EDIL3: variants seen among roughly 807,000 people sequenced by gnomAD.
The protein encoded by EDIL3 is EGF like and discoidin domains 3, also known as EGF-like repeat and discoidin I-like domain-containing protein 3.
Under a neutral mutation model 67.4 loss-of-function variants are expected in EDIL3, and 37 were observed. The ratio of observed to expected loss-of-function variants is 0.55; its 90% CI spans 0.42 to 0.72. The LOEUF is 0.72. Among genes scored for constraint, EDIL3 ranks in the 30% least tolerant of loss-of-function variants. The pLI is 0.00. For synonymous variants in EDIL3, 195 were observed against 196.3 expected, an observed-to-expected ratio of 0.99 and a Z score of 0.05; for missense variants, 527 against 586.3, an observed-to-expected ratio of 0.90 and a Z score of 1.04.
chr5:84,256,954 C>G (rs970284569), intron 1 of EDIL3, among the ~76,000 whole-genome samples: 1 of 152,188 alleles, frequency 6.6e-6, no homozygotes, highest in Non-Finnish European at 1.5e-5. Context: ...TCCCCCAAAT[C>G]AAGACCCACC....
intron 1 of EDIL3, among the ~76,000 whole-genome samples, chr5:84,279,975 A>G (rs1293071703): frequency 6.6e-6 from 1 of 152,246 alleles, no homozygotes; most frequent in East Asian, 1.9e-4. Context: ...TCCAGTTTTC[A>G]CAGAAGACTG....
chr5:84,184,690 G>A (rs1260493298), intron 3 of EDIL3, among the ~76,000 whole-genome samples: 2 of 152,178 alleles, frequency 1.3e-5, no homozygotes, highest in Non-Finnish European at 1.5e-5. Flanking sequence ...GGTTCAGGAA[G>A]CTGAAGATAG....
At chr5:83,966,935 G>A (rs1744700758) in intron 9 of EDIL3, among the ~76,000 whole-genome samples, 1 of 151,960 alleles carries the variant, frequency 6.6e-6, no homozygotes, top group African/African-American at 2.4e-5. Flanking sequence ...ACCATCTCAG[G>A]ATATATACAA....
rs1321271264 is a variant in EDIL3 at position 84,141,915 on chromosome 5, A to ATG, written c.356-4562_356-4561insCA. Among the ~76,000 whole-genome samples the ATG allele has an allele frequency of 4.8e-5, 5 of 104,096 alleles. No homozygotes were observed. The East Asian group carries it at 3.2e-3, about 67-fold the overall frequency. The allele number at this position is 104,096 out of a possible 152,430, so 68.3% of individuals were successfully genotyped here. ...TAATTGACAAACTACTCATATATAT[A>ATG]TATATATACACATATATATATATAT... On this transcript the variant is annotated intron_variant, in intron 4 of 10. Transcript: ENST00000296591.
At chr5:84,209,406 G>T (rs546114434) in intron 3 of EDIL3, among the ~76,000 whole-genome samples, 1 of 151,932 alleles carries the variant, frequency 6.6e-6, no homozygotes, top group Non-Finnish European at 1.5e-5. Flanking sequence ...AAATGTTTAG[G>T]TTGCACTACT....
intron 1 of EDIL3, among the ~76,000 whole-genome samples, chr5:84,334,067 A>AT (rs5869222): frequency 3.7e-3 from 528 of 142,052 alleles, no homozygotes; most frequent in South Asian, 0.02. Context: ...GGAAGAGTTG[A>AT]TTTTTTTTTT....
chr5:84,226,784 A>G (rs1236707483), intron 3 of EDIL3, among the ~76,000 whole-genome samples: 2 of 152,004 alleles, frequency 1.3e-5, no homozygotes, highest in African/African-American at 4.8e-5. Flanking sequence ...ACATCTGCTC[A>G]TATCTAGAAA....
intron 6 of EDIL3, among the ~76,000 whole-genome samples, chr5:84,083,686 T>C (rs890259271): frequency 1.3e-5 from 2 of 152,180 alleles, no homozygotes; most frequent in Non-Finnish European, 2.9e-5. Flanking sequence ...ATCTGAGTCT[T>C]AAAGTTGTCC....
intron 9 of EDIL3, among the ~76,000 whole-genome samples, chr5:84,034,731 C>G (rs552757895): frequency 6.6e-6 from 1 of 152,148 alleles, no homozygotes; most frequent in Admixed American, 6.5e-5. Flanking sequence ...GATGAGGAGT[C>G]CTGGGATGGT....
At chr5:84,125,292 T>C (rs1747847974) in intron 5 of EDIL3, among the ~76,000 whole-genome samples, 1 of 152,026 alleles carries the variant, frequency 6.6e-6, no homozygotes, top group African/African-American at 2.4e-5. Flanking sequence ...ATATCAGGGA[T>C]CATGTGTCAA....
intron 10 of EDIL3, among the ~76,000 whole-genome samples, chr5:83,961,585 C>T (rs1045008603): frequency 2.6e-5 from 4 of 151,060 alleles, no homozygotes; most frequent in Admixed American, 6.6e-5. Flanking sequence ...CTATAATAGA[C>T]GTGCTGTTTA....
Position 84,086,881 on chromosome 5 carries a change from C to T in EDIL3, c.651+19768G>A, listed in dbSNP as rs75190744. On this transcript the variant is annotated intron_variant, in intron 6 of 10. Coordinates refer to ENST00000296591, the MANE Select transcript of EDIL3 (RefSeq NM_005711.5). ...TCGTTACCCAGTGTATATACCTGAT[C>T]CCACGGTCCAAGATGGCAGCCTCTG... Among the ~76,000 whole-genome samples, 40 of 152,164 alleles carry T rather than the reference C, an allele frequency of 2.6e-4. No individual in the cohort carries two copies. In the East Asian group the frequency reaches 7.6e-3, roughly 29 times the overall value.
chr5:84,304,657 A>G (rs1057336594), intron 1 of EDIL3, among the ~76,000 whole-genome samples: 1 of 152,234 alleles, frequency 6.6e-6, no homozygotes, highest in Admixed American at 6.5e-5. Flanking sequence ...TGTCATATAA[A>G]GGATCTGATG....
At chr5:84,206,937 T>A (rs1332737253) in intron 3 of EDIL3, among the ~76,000 whole-genome samples, 1 of 152,166 alleles carries the variant, frequency 6.6e-6, no homozygotes, top group East Asian at 1.9e-4. Flanking sequence ...ACAGTCAATA[T>A]CATACTGAAT....
At chr5:84,349,922 T>A (rs1747320111) in intron 1 of EDIL3, among the ~76,000 whole-genome samples, 1 of 152,176 alleles carries the variant, frequency 6.6e-6, no homozygotes, top group African/African-American at 2.4e-5. Flanking sequence ...CCAAAAACTT[T>A]ATCAATATTA....
rs77029457 is a variant in EDIL3 at position 84,254,670 on chromosome 5, T to C, written c.68-458A>G. 7.0e-3 allele frequency among the ~76,000 whole-genome samples: 1,068 copies of C among 152,294 alleles called. 12 individuals carry two copies. The highest frequency in any genetic ancestry group is 0.024 in the African/African-American group (1,010 of 41,542). On this transcript the variant is annotated intron_variant, in intron 1 of 10. Transcript: ENST00000296591. ...TGACTTGCTTTGGCCAGTAGGTCGTTAACAGACTTGAAGACAACAGAGATT... is the reference window on the plus strand; with the variant it reads ...TGACTTGCTTTGGCCAGTAGGTCGTCAACAGACTTGAAGACAACAGAGATT...
intron 9 of EDIL3, among the ~76,000 whole-genome samples, chr5:83,990,679 G>A (rs1382594748): frequency 6.6e-6 from 1 of 151,776 alleles, no homozygotes; most frequent in East Asian, 2.0e-4. Flanking sequence ...TCAGGAGTTC[G>A]AGACCAGCCT....
intron 9 of EDIL3, among the ~76,000 whole-genome samples, chr5:84,040,529 ATT>A (rs1387314310): frequency 6.7e-6 from 1 of 148,994 alleles, no homozygotes; most frequent in African/African-American, 2.5e-5. Flanking sequence ...ATATATATAT[ATT>A]CTAGCCAGAG....
At chr5:83,982,157 T>C (rs979506646) in intron 9 of EDIL3, among the ~76,000 whole-genome samples, 1 of 152,126 alleles carries the variant, frequency 6.6e-6, no homozygotes, top group Non-Finnish European at 1.5e-5. Flanking sequence ...CAAAATTTGA[T>C]GAAACTAATT....
Sources: allele counts gnomAD v4.1 joint callset (sites outside exome capture counted in the v4.1 genomes callset), GRCh38; gene constraint gnomAD v4.1.1; transcripts MANE v1.5; gene names NCBI Gene and HGNC (gene_info 2026-07-23, HGNC 2026-07-21).